Variants in PPP6R3 observed in about 807,000 individuals in gnomAD.
The protein encoded by PPP6R3 is serine/threonine-protein phosphatase 6 regulatory subunit 3.
PPP6R3 carries 38 observed loss-of-function variants against 110.7 expected under a neutral mutation model. The ratio of observed to expected loss-of-function variants is 0.34; its 90% CI spans 0.26 to 0.45. PPP6R3 has a LOEUF of 0.45. Ranked by LOEUF, PPP6R3 falls within the 20% of genes least tolerant of loss-of-function variation. The pLI is 1.00. For synonymous variants in PPP6R3, 369 were observed against 373.5 expected (o/e 0.99, Z 0.14); for missense variants, 870 against 1,062.4 (o/e 0.82, Z 2.52).
chr11:68,551,240 GTT>G, intron 6 of PPP6R3, 54 bp downstream of exon 6: 1 of 1,340,926 alleles, frequency 7.5e-7, no homozygotes, highest in East Asian at 2.3e-5. Flanking sequence ...ACAAAAAACT[GTT>G]TATTGGGCAC....
At chr11:68,605,713 A>G (rs1459878871) in intron 22 of PPP6R3, among the ~76,000 whole-genome samples, 1 of 152,238 alleles carries the variant, frequency 6.6e-6, no homozygotes, top group African/African-American at 2.4e-5. Flanking sequence ...AGTAGCCAGG[A>G]TATTAGAAAT....
At chr11:68,540,069 A>C (rs1040975746) in intron 3 of PPP6R3, among the ~76,000 whole-genome samples, 3 of 152,168 alleles carry the variant, frequency 2.0e-5, no homozygotes, top group African/African-American at 7.2e-5. Context: ...GGAGGGTTGG[A>C]GTGAAGGTGG....
intron 1 of PPP6R3, among the ~76,000 whole-genome samples, chr11:68,502,286 TC>T (rs748306938): frequency 6.6e-6 from 1 of 152,256 alleles, no homozygotes; most frequent in Non-Finnish European, 1.5e-5. Context: ...TGAGATGTTT[TC>T]ACATTTTTAT....
At chr11:68,552,778 C>T (rs2099386067) in intron 6 of PPP6R3, among the ~76,000 whole-genome samples, 1 of 152,146 alleles carries the variant, frequency 6.6e-6, no homozygotes, top group South Asian at 2.1e-4. Context: ...AGCAGAGGAA[C>T]TTGATTGCTC....
chr11:68,468,312 TGAG>T (rs1388175917), intron 1 of PPP6R3, among the ~76,000 whole-genome samples: 19 of 152,362 alleles, frequency 1.2e-4, no homozygotes, highest in Middle Eastern at 3.4e-3. Flanking sequence ...GTATAGTAGT[TGAG>T]GAGTTCTTTT....
chr11:68,497,051 T>A (rs1448711093), intron 1 of PPP6R3, among the ~76,000 whole-genome samples: 1 of 149,658 alleles, frequency 6.7e-6, no homozygotes, highest in Non-Finnish European at 1.5e-5. Context: ...TTTGTTTGTT[T>A]TGTTTTGTTT....
chr11:68,599,302 G>GCAGATCCA (rs2099623453), intron 19 of PPP6R3, among the ~76,000 whole-genome samples: 1 of 152,246 alleles, frequency 6.6e-6, no homozygotes. Flanking sequence ...TGCAGTTAGA[G>GCAGATCCA]CAGATCCACA....
chr11:68,528,433 TGGG>T (rs10557748), intron 2 of PPP6R3, among the ~76,000 whole-genome samples: 2 of 127,548 alleles, frequency 1.6e-5, no homozygotes, highest in South Asian at 2.8e-4. Context: ...TTTGTGTGTG[TGGG>T]GGGGGGGGCT....
At position 68,577,548 on chromosome 11, in the gene PPP6R3, A is replaced by G. The variant is rs2099536661; in HGVS notation, c.1545+1505A>G. On this transcript the variant is annotated intron_variant, in intron 14 of 23. Transcript: ENST00000393800. ...TAAGCTTGTTACCAGACTTTTAAACAATTGTTTTTATCTTAGGTAACTCAA... is the reference window on the plus strand; with the variant it reads ...TAAGCTTGTTACCAGACTTTTAAACGATTGTTTTTATCTTAGGTAACTCAA... 2.0e-5 allele frequency among the ~76,000 whole-genome samples: 3 copies of G among 152,346 alleles called. No individual in the cohort carries two copies. In the South Asian group the frequency reaches 6.2e-4, roughly 32 times the overall value.
At chr11:68,467,750 A>G (rs765063208) in intron 1 of PPP6R3, among the ~76,000 whole-genome samples, 3 of 152,194 alleles carry the variant, frequency 2.0e-5, no homozygotes, top group Non-Finnish European at 2.9e-5. Flanking sequence ...TTGGGCTGCA[A>G]CAACACTTAG....
intron 1 of PPP6R3, among the ~76,000 whole-genome samples, chr11:68,483,452 T>C (rs1300801378): frequency 6.6e-6 from 1 of 152,250 alleles, no homozygotes; most frequent in East Asian, 1.9e-4. Flanking sequence ...TTGATGAACC[T>C]ACACCAACAC....
At chr11:68,490,343 A>G (rs1300769104) in intron 1 of PPP6R3, among the ~76,000 whole-genome samples, 2 of 151,152 alleles carry the variant, frequency 1.3e-5, no homozygotes, top group African/African-American at 4.9e-5. Flanking sequence ...TCCCACCTTG[A>G]TTTCTTTTAA....
chr11:68,586,685 A>G (rs1376057751), intron 15 of PPP6R3: 2 of 151,878 alleles, frequency 1.3e-5, no homozygotes, highest in African/African-American at 2.4e-5. Flanking sequence ...AGACCTAAGC[A>G]GTATAGATAC....
intron 1 of PPP6R3, among the ~76,000 whole-genome samples, chr11:68,496,151 G>A (rs950645284): frequency 9.2e-5 from 14 of 151,588 alleles, no homozygotes; most frequent in Admixed American, 2.0e-4. Context: ...CACCATCTCT[G>A]GCTAATTTTT....
chr11:68,596,108 C>T lies in PPP6R3; in HGVS notation c.1928C>T (p.Thr643Ile). The stretch of plus-strand genomic sequence containing the variant: ...TTGTTTTTCCTTAGCTCGGGGAGTA[C>T]AGACAGTGAGGAAAGTACAGACTCT... ...ESQRRSSSGS[T>I]DSEESTDSEE... The change falls in exon 19 of 24, where the codon ACA (threonine) becomes ATA (isoleucine). Residue 643 changes from threonine to isoleucine, a missense_variant. Coordinates refer to ENST00000393800, the MANE Select transcript of PPP6R3 (RefSeq NM_001164161.2). 6.2e-7 allele frequency: 1 copy of T among 1,614,126 alleles called. No individual in the cohort carries two copies. Among genetic ancestry groups the T allele is most frequent in the Non-Finnish European group, 8.5e-7 (1 of 1,180,014 alleles).
intron 2 of PPP6R3, among the ~76,000 whole-genome samples, chr11:68,519,937 G>C (rs1402091823): frequency 1.3e-5 from 2 of 152,188 alleles, no homozygotes; most frequent in African/African-American, 4.8e-5. Flanking sequence ...AGCTGAAGTA[G>C]TAGCATGCAG....
At chr11:68,479,733 G>GGGTT (rs2153368885) in intron 1 of PPP6R3, among the ~76,000 whole-genome samples, 1 of 151,826 alleles carries the variant, frequency 6.6e-6, no homozygotes, top group South Asian at 2.1e-4. Flanking sequence ...CTCTGCCTGA[G>GGGTT]GGTTGGTTTC....
At chr11:68,551,057 T>A in intron 5 of PPP6R3, 64 bp from the exon 6 acceptor site, 1 of 1,115,882 alleles carries the variant, frequency 9.0e-7, no homozygotes, top group Non-Finnish European at 1.3e-6. Context: ...AGTATGTTAA[T>A]CTACATTGGG....
intron 1 of PPP6R3, among the ~76,000 whole-genome samples, chr11:68,512,439 T>A: frequency 6.6e-6 from 1 of 152,330 alleles, no homozygotes; most frequent in East Asian, 1.9e-4. Context: ...TTAAAGATCA[T>A]AATCTCTAAA....
Sources: gnomAD v4.1 joint callset for allele counts (sites outside exome capture counted in the v4.1 genomes callset) on GRCh38, gnomAD v4.1.1 for gene constraint, MANE v1.5 for transcripts, NCBI Gene and HGNC (gene_info 2026-07-23, HGNC 2026-07-21) for gene names.